The following BICC1 variants were observed in gnomAD, a reference collection of about 807,000 sequenced individuals.
BICC1 encodes BicC family RNA binding protein 1.
In BICC1, 43 loss-of-function variants were observed where a neutral mutation model predicts 111.0. The observed-to-expected ratio is 0.39, with a 90% CI of 0.30 to 0.50. The LOEUF (loss-of-function observed/expected upper bound fraction) is 0.50. BICC1 is among the 20% of genes least tolerant of loss of function. BICC1 has a pLI of 0.88. For missense variants in BICC1, 1,091 were observed against 1,203.2 expected (o/e 0.91, Z 1.38); for synonymous variants, 467 against 434.4 (o/e 1.07, Z -0.93).
intron 3 of BICC1, chr10:58,715,894 T>A: frequency 1.6e-6 from 2 of 1,235,886 alleles, no homozygotes; most frequent in South Asian, 2.6e-5. Flanking sequence ...CTCTGATTCT[T>A]CCAGCAATTC....
chr10:58,810,993 C>G (rs1564627561), intron 17 of BICC1, among the ~76,000 whole-genome samples: 1 of 152,132 alleles, frequency 6.6e-6, no homozygotes, highest in African/African-American at 2.4e-5. Flanking sequence ...ACTTCAAACT[C>G]TGTATTCAAT....
intron 16 of BICC1, 26 bp from the exon 17 acceptor site, chr10:58,806,978 G>A (rs1343857366): frequency 6.3e-7 from 1 of 1,599,374 alleles, no homozygotes; most frequent in African/African-American, 1.3e-5. Flanking sequence ...AACATACCAA[G>A]CATTGGTTTT....
At chr10:58,703,343 A>G (rs1840296257) in intron 3 of BICC1, among the ~76,000 whole-genome samples, 1 of 151,780 alleles carries the variant, frequency 6.6e-6, no homozygotes, top group Admixed American at 6.6e-5. Context: ...CATTTTTTGT[A>G]GAGATGGAGT....
intron 2 of BICC1, among the ~76,000 whole-genome samples, chr10:58,624,535 G>T (rs548952886): frequency 6.6e-6 from 1 of 152,166 alleles, no homozygotes; most frequent in East Asian, 1.9e-4. Flanking sequence ...TCTACAATGA[G>T]TATATAATTG....
intron 1 of BICC1, among the ~76,000 whole-genome samples, chr10:58,559,921 T>A (rs920013713): frequency 1.3e-5 from 2 of 152,126 alleles, no homozygotes; most frequent in Non-Finnish European, 2.9e-5. Flanking sequence ...GCCCACCTGA[T>A]CATGTTGTGT....
At chr10:58,776,987 C>A (rs1252320486) in intron 3 of BICC1, among the ~76,000 whole-genome samples, 1 of 152,026 alleles carries the variant, frequency 6.6e-6, no homozygotes, top group Non-Finnish European at 1.5e-5. Flanking sequence ...CCTATCTGAA[C>A]AGCAGCTTTC....
chr10:58,549,271 C>T (rs189362504), intron 1 of BICC1, among the ~76,000 whole-genome samples: 59 of 152,234 alleles, frequency 3.9e-4, no homozygotes, highest in African/African-American at 1.3e-3. Context: ...TAAACATTCT[C>T]ATGCAGGTGT....
intron 2 of BICC1, among the ~76,000 whole-genome samples, chr10:58,674,308 T>C (rs1839274182): frequency 6.6e-6 from 1 of 152,184 alleles, no homozygotes; most frequent in African/African-American, 2.4e-5. Flanking sequence ...CTATTGGTTT[T>C]TTTTTTTCGT....
At chr10:58,805,529 T>C (rs1843684673) in intron 15 of BICC1, among the ~76,000 whole-genome samples, 1 of 152,248 alleles carries the variant, frequency 6.6e-6, no homozygotes, top group Admixed American at 6.5e-5. Context: ...TTTAAAAACT[T>C]CATCAAAAAT....
intron 1 of BICC1, among the ~76,000 whole-genome samples, chr10:58,604,503 A>G (rs1262240539): frequency 6.6e-6 from 1 of 152,098 alleles, no homozygotes; most frequent in Non-Finnish European, 1.5e-5. Flanking sequence ...TACTAAAAAT[A>G]CAAAAAAATT....
intron 1 of BICC1, among the ~76,000 whole-genome samples, chr10:58,517,719 C>A (rs190981257): frequency 6.6e-6 from 1 of 152,122 alleles, no homozygotes; most frequent in Admixed American, 6.5e-5. Flanking sequence ...TGGGAGAATC[C>A]ATCACTTGGC....
chr10:58,719,046 T>G (rs1294115483), intron 3 of BICC1, among the ~76,000 whole-genome samples: 1 of 152,200 alleles, frequency 6.6e-6, no homozygotes, highest in Non-Finnish European at 1.5e-5. Context: ...TATTTTGAAT[T>G]GGCTCATATT....
intron 1 of BICC1, among the ~76,000 whole-genome samples, chr10:58,607,896 A>C (rs1037378617): frequency 2.0e-5 from 3 of 152,188 alleles, no homozygotes; most frequent in African/African-American, 7.2e-5. Context: ...CTAGAACTGG[A>C]CATGTGGAGA....
intron 1 of BICC1, among the ~76,000 whole-genome samples, chr10:58,584,586 CT>C (rs1351430222): frequency 2.6e-5 from 4 of 152,224 alleles, no homozygotes; most frequent in Admixed American, 2.0e-4. Flanking sequence ...GAGAATTTTC[CT>C]TTTCCTCATT....
chr10:58,520,169 G>C (rs543078541), intron 1 of BICC1, among the ~76,000 whole-genome samples: 3 of 152,270 alleles, frequency 2.0e-5, no homozygotes, highest in African/African-American at 7.2e-5. Context: ...CTCATTCTTA[G>C]TTCGTTTTAA....
chr10:58,621,241 CACT>C (rs1022330279), intron 2 of BICC1, among the ~76,000 whole-genome samples: 4 of 152,310 alleles, frequency 2.6e-5, no homozygotes, highest in African/African-American at 9.6e-5. Flanking sequence ...AGGTAAGGTA[CACT>C]ATCCTATATG....
chr10:58,762,496 T>TTTTGTTTG (rs1046487370), intron 3 of BICC1, among the ~76,000 whole-genome samples: 1 of 152,108 alleles, frequency 6.6e-6, no homozygotes, highest in African/African-American at 2.4e-5. Flanking sequence ...CAGCGTTGTT[T>TTTTGTTTG]TTTGTTTGTT....
intron 17 of BICC1, among the ~76,000 whole-genome samples, chr10:58,809,827 A>G (rs1843844444): frequency 6.6e-6 from 1 of 152,176 alleles, no homozygotes; most frequent in Non-Finnish European, 1.5e-5. Context: ...GTAAGGAAAG[A>G]GGGGCCCAGA....
chr10:58,557,615 A>AT (rs1290012732), intron 1 of BICC1, among the ~76,000 whole-genome samples: 8 of 151,872 alleles, frequency 5.3e-5, no homozygotes, highest in Non-Finnish European at 1.0e-4. Flanking sequence ...CCAATCTCAC[A>AT]TTTTTTTCTC....
Sources: allele counts gnomAD v4.1 joint callset (sites outside exome capture counted in the v4.1 genomes callset), GRCh38; gene constraint gnomAD v4.1.1; transcripts MANE v1.5; gene names NCBI Gene and HGNC (gene_info 2026-07-23, HGNC 2026-07-21).